Variants in EPN2 observed in about 807,000 individuals in gnomAD.
EPN2 encodes epsin-2.
In EPN2, 34 loss-of-function variants were observed where a neutral mutation model predicts 61.7. The ratio of observed to expected loss-of-function variants is 0.55; its 90% CI spans 0.42 to 0.73. The LOEUF is 0.73. Among genes scored for constraint, EPN2 ranks in the 30% least tolerant of loss-of-function variants. EPN2 has a pLI of 0.00. For synonymous variants in EPN2, 349 were observed against 353.6 expected, an observed-to-expected ratio of 0.99 and a Z score of 0.15; for missense variants, 714 against 839.2, an observed-to-expected ratio of 0.85 and a Z score of 1.84.
intron 7 of EPN2, among the ~76,000 whole-genome samples, chr17:19,316,087 A>G (rs1906372884): frequency 1.3e-5 from 2 of 152,330 alleles, no homozygotes; most frequent in East Asian, 1.9e-4. Context: ...CTGTGGATGA[A>G]TAATATTCCA....
At chr17:19,276,745 A>G (rs184204989) in intron 1 of EPN2, among the ~76,000 whole-genome samples, 57 of 146,268 alleles carry the variant, frequency 3.9e-4, no homozygotes, top group Admixed American at 1.2e-3. Context: ...GATCCTTTCA[A>G]TTGTCAGTAT....
At chr17:19,309,860 A>G (rs1221901730) in intron 4 of EPN2, 25 bp from the exon 5 acceptor site, 3 of 1,587,832 alleles carry the variant, frequency 1.9e-6, no homozygotes, top group Admixed American at 1.7e-5. Context: ...TCTTTTGCAT[A>G]TGATGACTTG....
chr17:19,309,510 T>C (rs2152230835), intron 4 of EPN2, among the ~76,000 whole-genome samples: 1 of 152,300 alleles, frequency 6.6e-6, no homozygotes, highest in African/African-American at 2.4e-5. Flanking sequence ...TGAAGGATGC[T>C]CTTTGGTTCA....
intron 1 of EPN2, among the ~76,000 whole-genome samples, chr17:19,264,303 G>T (rs1250163348): frequency 6.6e-6 from 1 of 152,156 alleles, no homozygotes; most frequent in Admixed American, 6.5e-5. Flanking sequence ...AATTTAGTGC[G>T]AAGTAAACTA....
At chr17:19,314,660 G>C (rs1352734295) in intron 7 of EPN2, among the ~76,000 whole-genome samples, 3 of 152,198 alleles carry the variant, frequency 2.0e-5, no homozygotes, top group Non-Finnish European at 2.9e-5. Context: ...ACCCCCTTTG[G>C]CAGGAGCCCT....
At chr17:19,266,907 C>CCGGG (rs2045204977) in intron 1 of EPN2, among the ~76,000 whole-genome samples, 1 of 148,702 alleles carries the variant, frequency 6.7e-6, no homozygotes, top group Non-Finnish European at 1.5e-5. Flanking sequence ...ACTGAACCTG[C>CCGGG]CGGGCACGGT....
intron 9 of EPN2, among the ~76,000 whole-genome samples, chr17:19,330,138 C>G (rs148461066): frequency 6.6e-6 from 1 of 152,202 alleles, no homozygotes. Context: ...GGAAGGATAT[C>G]AGGTGGATGC....
intron 1 of EPN2, among the ~76,000 whole-genome samples, chr17:19,266,312 G>C: frequency 6.6e-6 from 1 of 152,108 alleles, no homozygotes; most frequent in East Asian, 1.9e-4. Context: ...ATATGACCCA[G>C]CAGCTTCACT....
chr17:19,252,487 C>T (rs772291800), intron 1 of EPN2, among the ~76,000 whole-genome samples: 1 of 152,072 alleles, frequency 6.6e-6, no homozygotes, highest in Non-Finnish European at 1.5e-5. Flanking sequence ...TCTAGGCTCC[C>T]CCTACCTCAG....
chr17:19,263,484 T>C lies in EPN2; in HGVS notation c.-293-18471T>C, dbSNP rs2152208955. ...TTCCAAGGAGCGTCTTAGATGGGTA[T>C]GATGATATTGGAACAGAGAAGGGCA... On this transcript the variant is annotated intron_variant, in intron 1 of 10. Coordinates refer to ENST00000314728, the MANE Select transcript of EPN2 (RefSeq NM_014964.5). 2.0e-5 allele frequency among the ~76,000 whole-genome samples: 3 copies of C among 152,292 alleles called. No homozygotes were observed. The South Asian group carries it at 6.2e-4, about 32-fold the overall frequency.
intron 1 of EPN2, among the ~76,000 whole-genome samples, chr17:19,250,790 C>T (rs954647479): frequency 1.3e-5 from 2 of 152,154 alleles, no homozygotes; most frequent in Non-Finnish European, 2.9e-5. Context: ...ATCCCCAACG[C>T]AGGGTGGCTG....
intron 1 of EPN2, among the ~76,000 whole-genome samples, chr17:19,263,443 G>A (rs775011970): frequency 7.0e-4 from 107 of 152,284 alleles, no homozygotes; most frequent in South Asian, 2.9e-3. Context: ...GCTGGTTGGT[G>A]GAAAAACCTC....
intron 4 of EPN2, among the ~76,000 whole-genome samples, chr17:19,297,560 G>A (rs981619637): frequency 5.3e-5 from 8 of 152,196 alleles, no homozygotes; most frequent in African/African-American, 1.9e-4. Context: ...TTTAAGAGAG[G>A]CAGACATACC....
chr17:19,260,859 A>G (rs573249490), intron 1 of EPN2, among the ~76,000 whole-genome samples: 53 of 152,270 alleles, frequency 3.5e-4, no homozygotes, highest in African/African-American at 1.2e-3. Context: ...TCAGTAAATG[A>G]AAGATAGCAT....
At chr17:19,304,937 G>A (rs138373900) in intron 4 of EPN2, among the ~76,000 whole-genome samples, 145 of 152,248 alleles carry the variant, frequency 9.5e-4, no homozygotes, top group African/African-American at 3.4e-3. Flanking sequence ...TGTCAGACAT[G>A]CCTGTGTACC....
chr17:19,285,530 G>A lies in EPN2; in HGVS notation c.596-90G>A. ...CAGTGGGCTGCGGGGTTGACCCCGA[G>A]TGGCCTTGGCCCGTACCTCCTGCAG... On this transcript the variant is annotated intron_variant, in intron 3 of 10. Transcript: ENST00000314728. The surrounding 1 kb of genome is among the most constrained non-coding windows in gnomAD (Gnocchi z 4.5). 1 of 1,361,922 alleles carries A rather than the reference G, an allele frequency of 7.3e-7. No individual in the cohort carries two copies. The highest frequency in any genetic ancestry group is 9.5e-7 in the Non-Finnish European group (1 of 1,055,518). 84.4% of individuals were successfully genotyped at this position (1,361,922 alleles called of 1,614,324 possible).
chr17:19,285,722 T>A lies in EPN2; in HGVS notation c.698T>A (p.Leu233Gln). The A allele has an allele frequency of 6.2e-7, 1 of 1,606,824 alleles. No individual in the cohort carries two copies. The highest frequency in any genetic ancestry group is 8.5e-7 in the Non-Finnish European group (1 of 1,177,836). Residue 233 changes from leucine to glutamine, a missense_variant, in exon 4 of 11, where the codon CTG (leucine) becomes CAG (glutamine). Around this residue, in one of 2 missense-constraint regions of EPN2, gnomAD observed 304 missense variants for 417.4 expected, o/e 0.73. Coordinates refer to ENST00000314728, the MANE Select transcript of EPN2 (RefSeq NM_014964.5). The surrounding 1 kb of genome is among the most constrained non-coding windows in gnomAD (Gnocchi z 4.5). ...CAGCGCCACCCCTTCCTGCCGCACCTGGGGCTGGCCTCCCGCCCAAATGGC... is the reference window on the plus strand; with the variant it reads ...CAGCGCCACCCCTTCCTGCCGCACCAGGGGCTGGCCTCCCGCCCAAATGGC... ...LSQRHPFLPH[L>Q]GLASRPNGDW...
At chr17:19,270,640 T>C (rs570785424) in intron 1 of EPN2, among the ~76,000 whole-genome samples, 1 of 152,188 alleles carries the variant, frequency 6.6e-6, no homozygotes, top group Non-Finnish European at 1.5e-5. Context: ...CTGTTACCTC[T>C]ATTTGAGAGG....
At position 19,281,993 on chromosome 17, in the gene EPN2, T is replaced by C. The variant is rs1321308703; in HGVS notation, c.-255T>C. ...GTCGGGCACAGTGCTAAGTGCTGGG[T>C]GCTCACTGGTGATGAGGCAGATGAA... On this transcript the variant is annotated 5_prime_UTR_variant, in exon 2 of 11. Transcript: ENST00000314728. 3.3e-5 allele frequency: 5 copies of C among 152,198 alleles called. No homozygotes were observed. The highest frequency in any genetic ancestry group is 5.9e-5 in the Non-Finnish European group (4 of 68,046). The allele number at this position is 152,198 out of a possible 1,614,324, so 9.4% of individuals were successfully genotyped here. A position where few individuals can be genotyped will look rare whatever the true frequency, so the allele number is the denominator to read the frequency against.
Sources: allele counts gnomAD v4.1 joint callset (sites outside exome capture counted in the v4.1 genomes callset), GRCh38; gene constraint gnomAD v4.1.1; regional missense constraint gnomAD v4.1.1; non-coding constraint Gnocchi (gnomAD v3.1); transcripts MANE v1.5; gene names NCBI Gene and HGNC (gene_info 2026-07-23, HGNC 2026-07-21).